EFHB: variants seen among roughly 807,000 people sequenced by gnomAD.
EFHB encodes the protein EF-hand domain family member B.
In EFHB, 91 loss-of-function variants were observed where a neutral mutation model predicts 87.2. That is an observed-to-expected ratio of 1.04 (90% confidence interval 0.88 to 1.24). The LOEUF (loss-of-function observed/expected upper bound fraction) is 1.24, where lower values mean the gene tolerates loss of function less well. EFHB is among the 50% of genes most tolerant of loss of function. The probability of loss-of-function intolerance (pLI) is 0.00; values close to 1 mark genes in which losing one functional copy is unlikely to be tolerated. For missense variants in EFHB, 1,084 were observed against 998.8 expected (o/e 1.09, Z -1.15); for synonymous variants, 325 against 333.6 (o/e 0.97, Z 0.28).
At chr3:19,933,156 T>G in intron 1 of EFHB, 74 bp downstream of exon 1, 1 of 1,458,772 alleles carries the variant, frequency 6.9e-7, no homozygotes, top group Non-Finnish European at 9.1e-7. Flanking sequence ...AAAACAAATT[T>G]TATCACTTTA....
At chr3:19,898,748 G>A (rs1575007119) in intron 8 of EFHB, 30 bp downstream of exon 8, 2 of 1,608,568 alleles carry the variant, frequency 1.2e-6, no homozygotes, top group East Asian at 4.5e-5. Context: ...TTTGTTTGGG[G>A]TTTTTTACGG....
intron 9 of EFHB, among the ~76,000 whole-genome samples, chr3:19,888,980 G>A (rs1275204069): frequency 2.6e-5 from 4 of 152,204 alleles, no homozygotes; most frequent in Admixed American, 2.6e-4. Flanking sequence ...AGGAGAAATT[G>A]GGGAGATAGT....
chr3:19,902,829 C>A (rs965035274), intron 6 of EFHB, among the ~76,000 whole-genome samples: 2 of 151,964 alleles, frequency 1.3e-5, no homozygotes, highest in African/African-American at 4.8e-5. Context: ...AAACTGCAAC[C>A]AAAAGAATAA....
In EFHB at chr3:19,879,946, G is replaced by A. The variant is rs2071631200; in HGVS notation, c.2329-142C>T. 1.0e-5 allele frequency: 7 copies of A among 675,862 alleles called. No homozygotes were observed. The South Asian group carries it at 1.3e-4, about 13-fold the overall frequency. The allele number at this position is 675,862 out of a possible 1,614,324, so 41.9% of individuals were successfully genotyped here. On this transcript the variant is annotated intron_variant, in intron 12 of 12. Transcript: ENST00000295824. ...TATGTGTGTGTATGTATTTGTGTGTGTGCATGTGCTTGTATATATACATAA... is the reference window on the plus strand; with the variant it reads ...TATGTGTGTGTATGTATTTGTGTGTATGCATGTGCTTGTATATATACATAA...
At position 19,898,818 on chromosome 3, in the gene EFHB, TG is replaced by T; in HGVS notation, c.1529del (p.Pro510GlnfsTer38). ...DPIAETMNVP[P>X]DCTFGACLRP... ...GGAGACAAGCTCCAAATGTGCAGTC[TG>T]GGGGAACATTCATTGTTTCTGCAAT... On this transcript the variant is annotated frameshift_variant, in exon 8 of 13. Transcript: ENST00000295824. LOFTEE classifies it high-confidence loss of function. The T allele has an allele frequency of 6.2e-7, 1 of 1,613,862 alleles. No individual in the cohort carries two copies.
intron 1 of EFHB, among the ~76,000 whole-genome samples, chr3:19,939,447 C>T (rs1302976517): frequency 3.1e-5 from 4 of 128,316 alleles, no homozygotes; most frequent in South Asian, 2.6e-4. Flanking sequence ...TGCAGTGGCG[C>T]GATCTTGGCT....
At chr3:19,931,374 C>G (rs1695826193) in intron 1 of EFHB, among the ~76,000 whole-genome samples, 1 of 152,330 alleles carries the variant, frequency 6.6e-6, no homozygotes, top group South Asian at 2.1e-4. Context: ...GTGCTGGAAA[C>G]TGGAAGCTGG....
At chr3:19,908,578 G>A (rs28447331) in intron 5 of EFHB, among the ~76,000 whole-genome samples, 2,191 of 84,602 alleles carry the variant, frequency 0.026, 23 homozygotes, top group Non-Finnish European at 0.04. Flanking sequence ...GAGAGAGAGA[G>A]AGAGAGAGAG....
At chr3:19,908,596 G>GAA (rs57636737) in intron 5 of EFHB, among the ~76,000 whole-genome samples, 2,507 of 95,948 alleles carry the variant, frequency 0.026, 30 homozygotes, top group East Asian at 0.11. Context: ...GAGAGAGAGA[G>GAA]AGAGAAAGAA....
At chr3:19,882,036 TA>T (rs2071688405) in intron 12 of EFHB, among the ~76,000 whole-genome samples, 2 of 140,322 alleles carry the variant, frequency 1.4e-5, no homozygotes, top group Non-Finnish European at 3.1e-5. Flanking sequence ...AATAAATAAA[TA>T]AATAAATAAA....
At position 19,888,558 on chromosome 3, in the gene EFHB, C is replaced by G. The variant is rs1025153767; in HGVS notation, c.1819G>C (p.Asp607His). ...CCATCATTATCCACATCACAGTAGT[C>G]AAATAGCTGGTCCAGGAGCTTGTCA... Reference protein sequence around the residue: ...LDDKLLDQLFDYCDVDNDGFI... With the variant: ...LDDKLLDQLFHYCDVDNDGFI... The change falls in exon 10 of 13, where the codon GAC becomes CAC. Residue 607 changes from aspartate (D) to histidine (H), a missense_variant. Coordinates refer to ENST00000295824, the MANE Select transcript of EFHB (RefSeq NM_144715.4). The G allele has an allele frequency of 4.4e-6, 7 of 1,598,410 alleles. No homozygotes were observed. In the African/African-American group the frequency reaches 8.0e-5, roughly 18 times the overall value.
At chr3:19,889,948 T>C (rs1694248474) in intron 9 of EFHB, among the ~76,000 whole-genome samples, 1 of 152,052 alleles carries the variant, frequency 6.6e-6, no homozygotes, top group South Asian at 2.1e-4. Context: ...GACTGCGCCA[T>C]TGCACTCCAG....
chr3:19,908,270 C>T (rs1179341011), intron 5 of EFHB, among the ~76,000 whole-genome samples: 4 of 152,026 alleles, frequency 2.6e-5, no homozygotes, highest in Admixed American at 1.3e-4. Context: ...CAGTGGCTCA[C>T]GCCTGTAATC....
intron 9 of EFHB, among the ~76,000 whole-genome samples, chr3:19,891,540 C>T (rs1694305380): frequency 6.6e-6 from 1 of 152,164 alleles, no homozygotes; most frequent in Non-Finnish European, 1.5e-5. Flanking sequence ...ATTCTCATGG[C>T]TCTGGCAAAT....
chr3:19,905,788 AC>A (rs1311492261), intron 5 of EFHB, 39 bp from the exon 6 acceptor site: 1 of 1,565,666 alleles, frequency 6.4e-7, no homozygotes, highest in Admixed American at 1.8e-5. Context: ...CTTAAGCAAC[AC>A]GAATAACCTT....
upstream of EFHB, among the ~76,000 whole-genome samples, chr3:19,939,058 C>A (rs1311219573): frequency 6.6e-6 from 1 of 152,140 alleles, no homozygotes; most frequent in African/African-American, 2.4e-5. Flanking sequence ...AGGCACCCGC[C>A]ACCATGCCCA....
chr3:19,895,007 T>TATATATATATATATATATATATATAA (rs1453175560), intron 9 of EFHB: 7 of 147,108 alleles, frequency 4.8e-5, no homozygotes, highest in African/African-American at 1.7e-4. Flanking sequence ...TATGTATATA[T>TATATATATATATATATATATATATAA]AAAAATATAT....
At chr3:19,882,819 C>T (rs2071714157) in intron 11 of EFHB, 88 bp from the exon 12 acceptor site, 2 of 1,184,080 alleles carry the variant, frequency 1.7e-6, no homozygotes, top group Admixed American at 3.2e-5. Context: ...ATACTGAGCA[C>T]TTAAAATGTA....
In EFHB at chr3:19,918,229, T is replaced by C. The variant is rs1695303101; in HGVS notation, c.1177+3A>G. 1 of 1,551,136 alleles carries C rather than the reference T, an allele frequency of 6.4e-7. No individual in the cohort carries two copies. The highest frequency in any genetic ancestry group is 8.7e-7 in the Non-Finnish European group (1 of 1,154,622). On this transcript the variant is annotated splice_donor_region_variant and intron_variant, in intron 4 of 12. Transcript: ENST00000295824. ...TCCCACCCCTTATTTTTTTTTTTAC[T>C]ACCTTTGATGACTGCTGTCCCAAAT... is the stretch of plus-strand genomic sequence containing the variant.
Sources: gnomAD v4.1 joint callset for allele counts (sites outside exome capture counted in the v4.1 genomes callset) on GRCh38, gnomAD v4.1.1 for gene constraint, MANE v1.5 for transcripts, NCBI Gene and HGNC (gene_info 2026-07-23, HGNC 2026-07-21) for gene names.